Variants in PAM observed in about 807,000 individuals in gnomAD.
PAM encodes the protein peptidyl-glycine alpha-amidating monooxygenase.
PAM carries 72 observed loss-of-function variants against 122.1 expected under a neutral mutation model. The observed-to-expected ratio is 0.59, with a 90% CI of 0.49 to 0.72. PAM has a LOEUF of 0.72. Ranked by LOEUF, PAM falls within the 30% of genes least tolerant of loss-of-function variation. The probability of loss-of-function intolerance (pLI) is 0.00; values close to 1 mark genes in which losing one functional copy is unlikely to be tolerated. For synonymous variants in PAM, 389 were observed against 404.4 expected (o/e 0.96, Z 0.46); for missense variants, 1,106 against 1,183.7 (o/e 0.93, Z 0.96).
chr5:102,859,729 C>G (rs577588767), intron 1 of PAM, among the ~76,000 whole-genome samples: 1 of 152,342 alleles, frequency 6.6e-6, no homozygotes, highest in Admixed American at 6.5e-5. Context: ...AGAGCTACTT[C>G]CAGTCCTGAA....
intron 22 of PAM, among the ~76,000 whole-genome samples, chr5:103,017,913 A>G (rs533478575): frequency 9.2e-5 from 14 of 152,218 alleles, no homozygotes; most frequent in Non-Finnish European, 1.9e-4. Flanking sequence ...AGCTTTCCCA[A>G]ATAACTGAAT....
chr5:102,925,282 A>G (rs1025319000), intron 6 of PAM, among the ~76,000 whole-genome samples: 1 of 152,198 alleles, frequency 6.6e-6, no homozygotes, highest in African/African-American at 2.4e-5. Context: ...TTAGAAAATA[A>G]CCAAGGATAC....
chr5:102,969,926 AAC>A (rs1327982529), intron 14 of PAM, among the ~76,000 whole-genome samples: 2 of 152,150 alleles, frequency 1.3e-5, no homozygotes, highest in African/African-American at 4.8e-5. Flanking sequence ...GACTTCCCAA[AAC>A]ACCAGCGTTT....
chr5:102,826,590 C>T (rs569240006), intron 1 of PAM, among the ~76,000 whole-genome samples: 22 of 152,178 alleles, frequency 1.4e-4, no homozygotes, highest in Non-Finnish European at 2.1e-4. Context: ...ACCAGAGATC[C>T]CCTACCTCTT....
chr5:102,984,681 TG>T (rs761621165), intron 15 of PAM, among the ~76,000 whole-genome samples: 2 of 152,140 alleles, frequency 1.3e-5, no homozygotes, highest in Non-Finnish European at 2.9e-5. Context: ...GGACAGATCA[TG>T]TAGACAGAAA....
chr5:102,772,278 G>A (rs1435196756), intron 1 of PAM, among the ~76,000 whole-genome samples: 9 of 152,084 alleles, frequency 5.9e-5, no homozygotes, highest in Non-Finnish European at 1.0e-4. Context: ...TACCTCTAAT[G>A]TTTTCTATAA....
intron 15 of PAM, chr5:102,987,555 AATG>A (rs1438203998): frequency 4.4e-6 from 2 of 455,920 alleles, no homozygotes; most frequent in African/African-American, 2.0e-5. Context: ...AGTGCAAAGA[AATG>A]ATAAGTGTTC....
At chr5:102,882,036 T>G in intron 3 of PAM, among the ~76,000 whole-genome samples, 1 of 128,460 alleles carries the variant, frequency 7.8e-6, no homozygotes, top group Admixed American at 8.1e-5. Flanking sequence ...TGTGGCTGAG[T>G]AGTATTCCAT....
chr5:103,008,711 A>C (rs577040291), intron 20 of PAM, among the ~76,000 whole-genome samples: 1 of 152,224 alleles, frequency 6.6e-6, no homozygotes, highest in Non-Finnish European at 1.5e-5. Flanking sequence ...TTCCTCAAGG[A>C]ATAAAGAAAA....
At chr5:102,949,707 C>A (rs1758155563) in intron 10 of PAM, 90 bp downstream of exon 10, 1 of 778,778 alleles carries the variant, frequency 1.3e-6, no homozygotes, top group Non-Finnish European at 2.3e-6. Flanking sequence ...GACCTTAAGT[C>A]TGTTTCAATG....
intron 1 of PAM, among the ~76,000 whole-genome samples, chr5:102,794,516 TAAGA>T (rs997789895): frequency 6.6e-6 from 1 of 151,878 alleles, no homozygotes; most frequent in African/African-American, 2.4e-5. Flanking sequence ...TATTCTATAT[TAAGA>T]AAGATTTAAT....
chr5:102,975,386 G>A (rs1211035106), intron 15 of PAM, among the ~76,000 whole-genome samples: 1 of 152,126 alleles, frequency 6.6e-6, no homozygotes, highest in Non-Finnish European at 1.5e-5. Flanking sequence ...AGTGCCTTTT[G>A]TTCACATGAG....
chr5:102,825,003 T>G (rs888272671), intron 1 of PAM, among the ~76,000 whole-genome samples: 3 of 152,216 alleles, frequency 2.0e-5, no homozygotes, highest in African/African-American at 7.2e-5. Context: ...GACAGACTTG[T>G]GCTGGCTTCC....
chr5:102,859,995 G>C (rs958251911), intron 1 of PAM, among the ~76,000 whole-genome samples: 1 of 152,106 alleles, frequency 6.6e-6, no homozygotes, highest in Non-Finnish European at 1.5e-5. Context: ...GGATGAAATG[G>C]CCTAACATAA....
chr5:102,784,563 C>T (rs1759980652), intron 1 of PAM, among the ~76,000 whole-genome samples: 1 of 152,160 alleles, frequency 6.6e-6, no homozygotes, highest in African/African-American at 2.4e-5. Context: ...AGGACAGGTA[C>T]CATCTCTGTC....
chr5:102,891,599 A>G (rs1194968870), intron 3 of PAM, among the ~76,000 whole-genome samples: 1 of 151,846 alleles, frequency 6.6e-6, no homozygotes. Context: ...AAAGGAAAAA[A>G]GTATAATTTT....
At position 102,858,769 on chromosome 5, in the gene PAM, C is replaced by T. The variant is rs78402459; in HGVS notation, c.-373-7054C>T. Among the ~76,000 whole-genome samples, 751 of 152,322 alleles carry T rather than the reference C, an allele frequency of 4.9e-3. 18 individuals are homozygous for T. In the East Asian group the frequency reaches 0.05, roughly 10 times the overall value. On this transcript the variant is annotated intron_variant, in intron 1 of 25. Coordinates refer to ENST00000438793, the MANE Select transcript of PAM (RefSeq NM_001177306.2). ...TAAGACAATGAACTCCACCTTTTCC[C>T]CAACCATCTCCATAGAAAATCTCTG...
At chr5:103,014,709 T>C (rs889933576) in intron 21 of PAM, among the ~76,000 whole-genome samples, 1 of 152,222 alleles carries the variant, frequency 6.6e-6, no homozygotes, top group South Asian at 2.1e-4. Context: ...TCTTTAGAGA[T>C]GTTTCCATCT....
intron 1 of PAM, among the ~76,000 whole-genome samples, chr5:102,849,555 CAAAAAAA>C (rs538988180): frequency 1.4e-5 from 1 of 73,502 alleles, no homozygotes; most frequent in Non-Finnish European, 3.1e-5. Context: ...AAGACTGTCT[CAAAAAAA>C]AAAAAAAAAA....
Sources: gnomAD v4.1 joint callset for allele counts (sites outside exome capture counted in the v4.1 genomes callset) on GRCh38, gnomAD v4.1.1 for gene constraint, MANE v1.5 for transcripts, NCBI Gene and HGNC (gene_info 2026-07-23, HGNC 2026-07-21) for gene names.